HCN1: variants seen among roughly 807,000 people sequenced by gnomAD.
HCN1 encodes potassium/sodium hyperpolarization-activated cyclic nucleotide-gated channel 1.
In HCN1, 13 loss-of-function variants were observed where a neutral mutation model predicts 78.9. The observed-to-expected ratio is 0.16, with a 90% CI of 0.11 to 0.26. The LOEUF (loss-of-function observed/expected upper bound fraction) is 0.26. Ranked by LOEUF, HCN1 falls within the 10% of genes least tolerant of loss-of-function variation. The pLI is 1.00. For synonymous variants in HCN1, 552 were observed against 455.5 expected, an observed-to-expected ratio of 1.21 and a Z score of -2.70; for missense variants, 810 against 1,154.3, an observed-to-expected ratio of 0.70 and a Z score of 4.32.
chr5:45,502,572 TC>T lies in HCN1; in HGVS notation c.850-40566del, dbSNP rs558337595. Among the ~76,000 whole-genome samples, 1,426 of 152,246 alleles carry T rather than the reference TC, an allele frequency of 9.4e-3. 17 individuals carry two copies. Among genetic ancestry groups the T allele is most frequent in the Non-Finnish European group, 0.013 (884 of 68,018 alleles). The stretch of plus-strand genomic sequence containing the variant: ...TTCTGGCCTTCATTTTTCCTTTTTT[TC>T]TTCTTTATATTAGATAAATGATAAC... On this transcript the variant is annotated intron_variant, in intron 2 of 7. Coordinates refer to ENST00000303230, the MANE Select transcript of HCN1 (RefSeq NM_021072.4).
At chr5:45,354,142 A>G (rs1746965261) in intron 4 of HCN1, among the ~76,000 whole-genome samples, 1 of 151,954 alleles carries the variant, frequency 6.6e-6, no homozygotes, top group Non-Finnish European at 1.5e-5. Context: ...CTGGGTGCCT[A>G]TTAGAAGAGA....
Position 45,267,213 on chromosome 5 carries a change from A to T in HCN1, c.1659T>A (p.Val553=). 6.2e-7 allele frequency: 1 copy of T among 1,614,078 alleles called. No homozygotes were observed. Among genetic ancestry groups the T allele is most frequent in the Non-Finnish European group, 8.5e-7 (1 of 1,179,996 alleles). Residue 553 remains valine, a synonymous_variant, in exon 7 of 8, where the codon GTT becomes GTA. Transcript: ENST00000303230. ...AAAGACGACAATATGTATCAGCTCG[A>T]ACACTGGCAGTACGACGTCCTTTGG... The part of the protein sequence containing the change: ...LLTKGRRTAS[V]RADTYCRLYS...
rs888300837 is a variant in HCN1 at position 45,495,835 on chromosome 5, A to G, written c.850-33828T>C. 2.6e-5 allele frequency among the ~76,000 whole-genome samples: 4 copies of G among 152,144 alleles called. No homozygotes were observed. The East Asian group carries it at 7.7e-4, about 29-fold the overall frequency. ...AGGGTTGTTGAATTTTGTCAAAGGC[A>G]TTTTCTGCATCTATTGAGATAATCA... On this transcript the variant is annotated intron_variant, in intron 2 of 7. Coordinates refer to ENST00000303230, the MANE Select transcript of HCN1 (RefSeq NM_021072.4).
intron 1 of HCN1, among the ~76,000 whole-genome samples, chr5:45,691,439 A>C (rs1263322509): frequency 6.6e-6 from 1 of 152,302 alleles, no homozygotes; most frequent in East Asian, 1.9e-4. Flanking sequence ...ACTTACATGT[A>C]TACTAAGAAA....
At chr5:45,544,349 T>C (rs1452148800) in intron 2 of HCN1, among the ~76,000 whole-genome samples, 3 of 152,144 alleles carry the variant, frequency 2.0e-5, no homozygotes, top group African/African-American at 4.8e-5. Context: ...TAGTTTTCTA[T>C]GTAAAGATGA....
chr5:45,575,572 T>C (rs1430063609), intron 2 of HCN1: 2 of 151,878 alleles, frequency 1.3e-5, no homozygotes, highest in Non-Finnish European at 2.9e-5. Context: ...ACTTAAAGTA[T>C]AATAAAAAAA....
chr5:45,632,945 T>G (rs1011544632), intron 2 of HCN1, among the ~76,000 whole-genome samples: 32 of 152,032 alleles, frequency 2.1e-4, no homozygotes, highest in Non-Finnish European at 1.0e-4. Flanking sequence ...TTGCTGTTGG[T>G]CATGCAAGTG....
intron 2 of HCN1, among the ~76,000 whole-genome samples, chr5:45,565,898 A>G (rs80105096): frequency 1.3e-5 from 2 of 152,316 alleles, no homozygotes; most frequent in East Asian, 3.9e-4. Context: ...AATATGACAC[A>G]GTTTTGAGAG....
chr5:45,574,050 T>C (rs2111907679), intron 2 of HCN1, among the ~76,000 whole-genome samples: 1 of 152,196 alleles, frequency 6.6e-6, no homozygotes, highest in East Asian at 1.9e-4. Flanking sequence ...TTGAATATGG[T>C]AAAAGGGAAG....
At chr5:45,419,873 C>G (rs1740192635) in intron 3 of HCN1, among the ~76,000 whole-genome samples, 2 of 152,176 alleles carry the variant, frequency 1.3e-5, no homozygotes, top group African/African-American at 4.8e-5. Flanking sequence ...AACATTCCAC[C>G]CACAACTTGG....
chr5:45,658,041 G>GAGAT (rs1745810849), intron 1 of HCN1, among the ~76,000 whole-genome samples: 2 of 152,098 alleles, frequency 1.3e-5, no homozygotes, highest in East Asian at 1.9e-4. Flanking sequence ...TACCAAAACA[G>GAGAT]ATAGATCAAT....
intron 2 of HCN1, among the ~76,000 whole-genome samples, chr5:45,539,919 G>GATAGATATATAT (rs1743059446): frequency 7.9e-6 from 1 of 126,106 alleles, no homozygotes; most frequent in African/African-American, 3.3e-5. Flanking sequence ...TAAATTGTGA[G>GATAGATATATAT]ATATATATAT....
intron 2 of HCN1, among the ~76,000 whole-genome samples, chr5:45,497,675 T>C (rs1742075021): frequency 6.6e-6 from 1 of 152,158 alleles, no homozygotes; most frequent in Non-Finnish European, 1.5e-5. Flanking sequence ...GTCTGTGTCT[T>C]TTAATTGGAG....
intron 6 of HCN1, among the ~76,000 whole-genome samples, chr5:45,279,394 T>C (rs1293121625): frequency 6.6e-6 from 1 of 152,116 alleles, no homozygotes; most frequent in Non-Finnish European, 1.5e-5. Context: ...AGAAGCCTCA[T>C]ATAACCAGAA....
intron 2 of HCN1, among the ~76,000 whole-genome samples, chr5:45,597,542 C>A (rs1454628789): frequency 1.3e-5 from 2 of 152,128 alleles, no homozygotes; most frequent in Admixed American, 6.6e-5. Flanking sequence ...CACTCCTGTT[C>A]AACACAGTGT....
At chr5:45,581,581 A>T (rs1437455396) in intron 2 of HCN1, among the ~76,000 whole-genome samples, 1 of 152,194 alleles carries the variant, frequency 6.6e-6, no homozygotes, top group Non-Finnish European at 1.5e-5. Flanking sequence ...TGTTTTAAAC[A>T]TGAAGTCCTT....
intron 4 of HCN1, among the ~76,000 whole-genome samples, chr5:45,374,203 TAAC>T (rs940207901): frequency 8.6e-6 from 1 of 116,324 alleles, no homozygotes; most frequent in Non-Finnish European, 1.8e-5. Flanking sequence ...ATTATATACA[TAAC>T]ATATATATTA....
At chr5:45,470,395 C>A (rs1741366859) in intron 2 of HCN1, among the ~76,000 whole-genome samples, 1 of 151,844 alleles carries the variant, frequency 6.6e-6, no homozygotes, top group Non-Finnish European at 1.5e-5. Context: ...CATATTAGTG[C>A]AACCCCCCTA....
intron 1 of HCN1, among the ~76,000 whole-genome samples, chr5:45,683,138 T>A (rs1223814400): frequency 2.0e-5 from 3 of 151,366 alleles, no homozygotes; most frequent in Non-Finnish European, 4.4e-5. Context: ...ATTTTTTTAT[T>A]TTTTTTTACC....
Sources: gnomAD v4.1 joint callset for allele counts (sites outside exome capture counted in the v4.1 genomes callset) on GRCh38, gnomAD v4.1.1 for gene constraint, MANE v1.5 for transcripts, NCBI Gene and HGNC (gene_info 2026-07-23, HGNC 2026-07-21) for gene names.